The following FKBP1A variants were observed in gnomAD, a reference collection of about 807,000 sequenced individuals.
The protein encoded by FKBP1A is peptidyl-prolyl cis-trans isomerase FKBP1A.
Under a neutral mutation model 14.2 loss-of-function variants are expected in FKBP1A, and 5 were observed. The observed-to-expected ratio is 0.35, with a 90% confidence interval of 0.18 to 0.74. The LOEUF (loss-of-function observed/expected upper bound fraction) is 0.74, where lower values mean the gene tolerates loss of function less well. Among genes scored for constraint, FKBP1A ranks in the 30% least tolerant of loss-of-function variants. FKBP1A has a pLI of 0.56. For synonymous variants in FKBP1A, 42 were observed against 49.1 expected (o/e 0.86, Z 0.60); for missense variants, 53 against 138.8 (o/e 0.38, Z 3.10).
At chr20:1,383,510 C>G (rs4813115) in intron 2 of FKBP1A, among the ~76,000 whole-genome samples, 28,031 of 151,614 alleles carry the variant, frequency 0.18, 2,921 homozygotes, top group African/African-American at 0.26. Context: ...TTCTTAATGA[C>G]AAAAAGTACA....
chr20:1,383,779 G>A (rs1036436841), intron 2 of FKBP1A, among the ~76,000 whole-genome samples: 6 of 150,340 alleles, frequency 4.0e-5, no homozygotes, highest in African/African-American at 1.2e-4. Context: ...TGAGGTTGCA[G>A]TGAGCTATGA....
At chr20:1,376,818 C>A (rs1425888589) in intron 2 of FKBP1A, 20 of 151,998 alleles carry the variant, frequency 1.3e-4, no homozygotes, top group Admixed American at 1.3e-3. Context: ...GCTGGACAAG[C>A]CACGACGGCG....
At chr20:1,370,693 G>T in intron 4 of FKBP1A, 1 of 985,408 alleles carries the variant, frequency 1.0e-6, no homozygotes, top group South Asian at 4.7e-5. Context: ...TGGGTTGGGA[G>T]GGTTACTCGG....
In FKBP1A at chr20:1,388,505, C is replaced by T. The variant is rs933700204; in HGVS notation, c.85+4329G>A. The stretch of plus-strand genomic sequence containing the variant: ...ATCGTTACTCCCATTTTATAGACAG[C>T]ATGTGGAAGCTGGGAACTGTGGGAC... On this transcript the variant is annotated intron_variant, in intron 2 of 4. Coordinates refer to ENST00000400137, the MANE Select transcript of FKBP1A (RefSeq NM_000801.5). 4.6e-5 allele frequency among the ~76,000 whole-genome samples: 7 copies of T among 152,188 alleles called. 1 individual carries two copies. Among genetic ancestry groups the T allele is most frequent in the Non-Finnish European group, 8.8e-5 (6 of 68,032 alleles).
intron 2 of FKBP1A, 26 bp downstream of exon 2, chr20:1,392,808 C>T: frequency 6.8e-7 from 1 of 1,480,248 alleles, no homozygotes; most frequent in Admixed American, 2.3e-5. Flanking sequence ...GGCCCGGGCC[C>T]CCTCCCCGCT....
intron 2 of FKBP1A, among the ~76,000 whole-genome samples, chr20:1,391,405 T>C (rs1172562278): frequency 2.0e-5 from 3 of 152,208 alleles, no homozygotes; most frequent in Non-Finnish European, 4.4e-5. Context: ...AGGACAGCTA[T>C]CTAAAACATC....
Position 1,372,252 on chromosome 20 carries a change from A to C in FKBP1A, c.199-12T>G, listed in dbSNP as rs1425804341. 1 of 1,613,274 alleles carries C rather than the reference A, an allele frequency of 6.2e-7. No individual in the cohort carries two copies. The highest frequency in any genetic ancestry group is 8.5e-7 in the Non-Finnish European group (1 of 1,179,600). On this transcript the variant is annotated splice_polypyrimidine_tract_variant and intron_variant, in intron 3 of 4. Coordinates refer to ENST00000400137, the MANE Select transcript of FKBP1A (RefSeq NM_000801.5). The stretch of plus-strand genomic sequence containing the variant: ...TGACCCACACTCATCTGTGAAAAGA[A>C]CAAGGAAGACAGACTCAGCTGGACA...
chr20:1,388,030 G>C (rs2089686735), intron 2 of FKBP1A, among the ~76,000 whole-genome samples: 1 of 152,188 alleles, frequency 6.6e-6, no homozygotes, highest in South Asian at 2.1e-4. Context: ...TGATGAGCAA[G>C]AGACCATCTA....
chr20:1,391,579 C>T, intron 2 of FKBP1A: 1 of 398,162 alleles, frequency 2.5e-6, no homozygotes, highest in South Asian at 1.3e-4. Context: ...AATAAAAGGG[C>T]ATGGGAGGGG....
intron 3 of FKBP1A, among the ~76,000 whole-genome samples, chr20:1,374,047 G>T (rs2122661259): frequency 6.6e-6 from 1 of 152,356 alleles, no homozygotes; most frequent in African/African-American, 2.4e-5. Context: ...GTAGAGCAAT[G>T]TGTATTCTGG....
At chr20:1,371,777 A>G (rs1159429969) in intron 4 of FKBP1A, 1 of 1,052,364 alleles carries the variant, frequency 9.5e-7, no homozygotes, top group Non-Finnish European at 1.1e-6. Flanking sequence ...TTTGGCCTAC[A>G]TTTCCATAGT....
At chr20:1,390,776 C>T (rs1257999038) in intron 2 of FKBP1A, among the ~76,000 whole-genome samples, 1 of 152,160 alleles carries the variant, frequency 6.6e-6, no homozygotes, top group African/African-American at 2.4e-5. Context: ...CACCAGCCTG[C>T]TCGAAAACAG....
At chr20:1,372,359 T>G in intron 3 of FKBP1A, 119 bp from the exon 4 acceptor site, 1 of 1,060,956 alleles carries the variant, frequency 9.4e-7, no homozygotes, top group Non-Finnish European at 1.4e-6. Context: ...TTCCAGTGAC[T>G]TTGCAGCTGC....
Position 1,369,747 on chromosome 20 carries a change from T to G in FKBP1A, c.*362A>C. ...ACCCCCCCCCCAACACCAATTCCTA[T>G]TCTAATGTTAACCTACCACTTGTGC... On this transcript the variant is annotated 3_prime_UTR_variant, in exon 5 of 5. Coordinates refer to ENST00000400137, the MANE Select transcript of FKBP1A (RefSeq NM_000801.5). 2 of 223,674 alleles carry G rather than the reference T, an allele frequency of 8.9e-6. No homozygotes were observed. Among genetic ancestry groups the G allele is most frequent in the Non-Finnish European group, 9.3e-6 (1 of 107,390 alleles). 13.9% of individuals were successfully genotyped at this position (223,674 alleles called of 1,614,324 possible).
rs1318261182 is a variant in FKBP1A, at chr20:1,369,336, T to C, written c.*773A>G. 6.0e-6 allele frequency: 1 copy of C among 165,710 alleles called. No homozygotes were observed. Among genetic ancestry groups the C allele is most frequent in the African/African-American group, 2.4e-5 (1 of 40,862 alleles). 10.3% of individuals were successfully genotyped at this position (165,710 alleles called of 1,614,324 possible). A position where few individuals can be genotyped will look rare whatever the true frequency, so the allele number is the denominator to read the frequency against. On this transcript the variant is annotated 3_prime_UTR_variant, in exon 5 of 5. Transcript: ENST00000400137. ...GGAAGTGGTGGAGCTTGGAAAGTTA[T>C]GAGATTACAAAATTCCTGAAAGTCC...
intron 3 of FKBP1A, chr20:1,374,453 ACT>A (rs1468096927): frequency 3.3e-5 from 5 of 152,222 alleles, no homozygotes; most frequent in Non-Finnish European, 7.3e-5. Flanking sequence ...AATTAAAACC[ACT>A]GATATCATGT....
intron 2 of FKBP1A, among the ~76,000 whole-genome samples, chr20:1,390,541 CCTT>C (rs2089722938): frequency 6.6e-6 from 1 of 152,096 alleles, no homozygotes; most frequent in Non-Finnish European, 1.5e-5. Flanking sequence ...ATTTCTTTTC[CCTT>C]CTTAGGACCC....
chr20:1,377,698 A>G (rs1302510851), intron 2 of FKBP1A: 1 of 152,232 alleles, frequency 6.6e-6, no homozygotes, highest in Non-Finnish European at 1.5e-5. Flanking sequence ...GCAGGCAATG[A>G]ACAGCTATGA....
In FKBP1A at chr20:1,379,606, C is replaced by T. The variant is rs1363704023; in HGVS notation, c.86-4003G>A. On this transcript the variant is annotated intron_variant, in intron 2 of 4. Coordinates refer to ENST00000400137, the MANE Select transcript of FKBP1A (RefSeq NM_000801.5). The surrounding 1 kb of genome is among the most constrained non-coding windows in gnomAD (Gnocchi z 4.3). ...TGCTCTGTTGTCCCTGGGAAAGGGG[C>T]ATGAGACTTGCTCCAGAATTTCAGA... Among the ~76,000 whole-genome samples, 1 of 152,192 alleles carries T rather than the reference C, an allele frequency of 6.6e-6. No homozygotes were observed. Among genetic ancestry groups the T allele is most frequent in the African/African-American group, 2.4e-5 (1 of 41,442 alleles).
Sources: gnomAD v4.1 joint callset for allele counts (sites outside exome capture counted in the v4.1 genomes callset) on GRCh38, gnomAD v4.1.1 for gene constraint, Gnocchi (gnomAD v3.1) non-coding constraint, MANE v1.5 for transcripts, NCBI Gene and HGNC (gene_info 2026-07-23, HGNC 2026-07-21) for gene names.